ZNF354B: variants seen among roughly 807,000 people sequenced by gnomAD.
ZNF354B encodes the protein zinc finger protein 354B.
In ZNF354B, 10 loss-of-function variants were observed where a neutral mutation model predicts 12.9. The observed-to-expected ratio is 0.77, with a 90% CI of 0.48 to 1.31. The LOEUF (loss-of-function observed/expected upper bound fraction) is 1.31. ZNF354B is among the 40% of genes most tolerant of loss of function. The pLI, the probability that ZNF354B is intolerant of heterozygous loss-of-function variation, is 0.00. For missense variants in ZNF354B, 614 were observed against 711.7 expected (o/e 0.86, Z 1.56); for synonymous variants, 260 against 243.7 (o/e 1.07, Z -0.62).
rs61740657 is a variant in ZNF354B, at chr5:178,883,141, G to A, written c.689G>A (p.Arg230His). The A allele has an allele frequency of 5.3e-3, 8,574 of 1,613,040 alleles. 35 individuals are homozygous for A. Among genetic ancestry groups the A allele is most frequent in the Non-Finnish European group, 6.3e-3 (7,446 of 1,179,750 alleles). ...GCCTTCATTCACAATTCATCCCTTC[G>A]TAAACATCAGAAAAACCACACTGGA... ...EKAFIHNSSL[R>H]KHQKNHTGEK... The change falls in exon 5 of 5, where the codon CGT becomes CAT. Residue 230 changes from arginine (R) to histidine (H), a missense_variant. Coordinates refer to ENST00000322434, the MANE Select transcript of ZNF354B (RefSeq NM_058230.3).
intron 4 of ZNF354B, among the ~76,000 whole-genome samples, chr5:178,867,741 T>C (rs1757485146): frequency 6.6e-6 from 1 of 152,152 alleles, no homozygotes; most frequent in Non-Finnish European, 1.5e-5. Context: ...GTATGTGTAA[T>C]GTGCACATAA....
chr5:178,880,831 A>ATTTTT (rs56013359), intron 4 of ZNF354B, among the ~76,000 whole-genome samples: 2 of 76,146 alleles, frequency 2.6e-5, no homozygotes, highest in African/African-American at 6.1e-5. Flanking sequence ...ACTCATGGTC[A>ATTTTT]TTTTTTTTTT....
chr5:178,883,223 T>C lies in ZNF354B; in HGVS notation c.771T>C (p.Leu257=). The change falls in exon 5 of 5, where the codon CTT becomes CTC. Residue 257 remains leucine (L), a synonymous_variant. Coordinates refer to ENST00000322434, the MANE Select transcript of ZNF354B (RefSeq NM_058230.3). The part of the protein sequence containing the change: ...CLKAFSQSSA[L]IQHQRTHTGE... ...AAGCTTTCAGCCAAAGTTCTGCTCT[T>C]ATTCAACATCAAAGAACTCATACAG... is the stretch of plus-strand genomic sequence containing the variant. 5.0e-6 allele frequency: 8 copies of C among 1,612,594 alleles called. No homozygotes were observed. Among genetic ancestry groups the C allele is most frequent in the Non-Finnish European group, 5.9e-6 (7 of 1,179,692 alleles).
At chr5:178,877,258 C>CTT (rs1218801484) in intron 4 of ZNF354B, among the ~76,000 whole-genome samples, 1 of 152,106 alleles carries the variant, frequency 6.6e-6, no homozygotes, top group Admixed American at 6.5e-5. Context: ...CAACCTCCAC[C>CTT]TTTTGGGTTT....
chr5:178,875,653 G>A (rs1359370903), intron 4 of ZNF354B, among the ~76,000 whole-genome samples: 1 of 152,190 alleles, frequency 6.6e-6, no homozygotes, highest in African/African-American at 2.4e-5. Context: ...ATCTTCAGCC[G>A]AGGGGCGAGG....
intron 4 of ZNF354B, among the ~76,000 whole-genome samples, chr5:178,878,947 C>T (rs1433943126): frequency 1.3e-5 from 2 of 151,860 alleles, no homozygotes; most frequent in East Asian, 1.9e-4. Context: ...ATGATGCACC[C>T]GCCTCAGCCT....
chr5:178,873,415 T>C (rs1420157720), intron 4 of ZNF354B, among the ~76,000 whole-genome samples: 1 of 152,254 alleles, frequency 6.6e-6, no homozygotes, highest in Non-Finnish European at 1.5e-5. Flanking sequence ...AGAAGTGCTG[T>C]AGTTTTACAT....
At chr5:178,862,384 T>TTTTTTA (rs1491352820) in intron 2 of ZNF354B, among the ~76,000 whole-genome samples, 7 of 135,896 alleles carry the variant, frequency 5.2e-5, no homozygotes, top group African/African-American at 8.1e-5. Context: ...TTTTTTTTTT[T>TTTTTTA]GAGAGGCAGT....
intron 4 of ZNF354B, among the ~76,000 whole-genome samples, chr5:178,870,285 T>G (rs192546301): frequency 6.6e-6 from 1 of 152,208 alleles, no homozygotes; most frequent in Non-Finnish European, 1.5e-5. Context: ...TACAAAGTTA[T>G]TTTCTTTTGA....
intron 4 of ZNF354B, among the ~76,000 whole-genome samples, chr5:178,874,560 T>G (rs1332860302): frequency 6.6e-6 from 1 of 152,242 alleles, no homozygotes; most frequent in Non-Finnish European, 1.5e-5. Flanking sequence ...ATGAAATTCT[T>G]GTAGTATGTT....
intron 4 of ZNF354B, among the ~76,000 whole-genome samples, chr5:178,878,331 C>T (rs35245718): frequency 0.21 from 30,928 of 150,850 alleles, 3,629 homozygotes; most frequent in Non-Finnish European, 0.25. Flanking sequence ...TGCAGTGAGC[C>T]GAGATTATGC....
intron 4 of ZNF354B, among the ~76,000 whole-genome samples, chr5:178,871,456 A>G (rs1433707977): frequency 6.6e-6 from 1 of 152,136 alleles, no homozygotes; most frequent in Non-Finnish European, 1.5e-5. Flanking sequence ...CCCCCACGCC[A>G]TCTCCTCACC....
In ZNF354B at chr5:178,866,276, C is replaced by T. The variant is rs1132332; in HGVS notation, c.66C>T (p.Leu22=). The T allele has an allele frequency of 2.5e-5, 40 of 1,613,728 alleles. No individual in the cohort carries two copies. Among genetic ancestry groups the T allele is most frequent in the Non-Finnish European group, 3.2e-5 (38 of 1,179,912 alleles). Reference sequence around the variant, plus strand: ...TGACATTCGAGGACGTGGCTGTGCTCTTTACCTGGGATGAGTGGAGAAAGC... The same window carrying T: ...TGACATTCGAGGACGTGGCTGTGCTTTTTACCTGGGATGAGTGGAGAAAGC... ...VSLTFEDVAV[L]FTWDEWRKLA... Residue 22 remains leucine (L), a synonymous_variant, in exon 3 of 5, where the codon CTC becomes CTT. Coordinates refer to ENST00000322434, the MANE Select transcript of ZNF354B (RefSeq NM_058230.3).
chr5:178,863,230 T>TTA lies in ZNF354B; in HGVS notation c.33+2159_33+2160dup, dbSNP rs138384549. 0.011 allele frequency among the ~76,000 whole-genome samples: 1,644 copies of TTA among 152,280 alleles called. 63 individuals are homozygous for TTA. The East Asian group carries it at 0.13, about 12-fold the overall frequency. ...GTGTAAATTTTAGAGAATAAAACAT[T>TTA]TATATATATACATATGTATATGTGT... On this transcript the variant is annotated intron_variant, in intron 2 of 4. Coordinates refer to ENST00000322434, the MANE Select transcript of ZNF354B (RefSeq NM_058230.3).
intron 4 of ZNF354B, among the ~76,000 whole-genome samples, chr5:178,867,452 G>C (rs1037680293): frequency 5.3e-5 from 8 of 152,206 alleles, no homozygotes; most frequent in Non-Finnish European, 8.8e-5. Flanking sequence ...AAGTGCTTGG[G>C]CACAGTTGTA....
intron 2 of ZNF354B, among the ~76,000 whole-genome samples, chr5:178,865,208 G>A (rs568223971): frequency 1.3e-5 from 2 of 152,278 alleles, no homozygotes; most frequent in African/African-American, 4.8e-5. Flanking sequence ...ATGGAGCCCA[G>A]GACATCTGCC....
At chr5:178,880,195 T>TC (rs2114026280) in intron 4 of ZNF354B, among the ~76,000 whole-genome samples, 1 of 151,944 alleles carries the variant, frequency 6.6e-6, no homozygotes, top group Non-Finnish European at 1.5e-5. Flanking sequence ...TTTCTTTTTT[T>TC]CCTTTTCTTT....
At position 178,883,229 on chromosome 5, in the gene ZNF354B, A is replaced by G. The variant is rs1230694332; in HGVS notation, c.777A>G (p.Gln259=). 6.2e-7 allele frequency: 1 copy of G among 1,612,274 alleles called. No homozygotes were observed. Among genetic ancestry groups the G allele is most frequent in the Non-Finnish European group, 8.5e-7 (1 of 1,179,638 alleles). The stretch of plus-strand genomic sequence containing the variant: ...TCAGCCAAAGTTCTGCTCTTATTCA[A>G]CATCAAAGAACTCATACAGGAGAGA... ...KAFSQSSALI[Q]HQRTHTGEKP... Residue 259 remains glutamine, a synonymous_variant, in exon 5 of 5, where the codon CAA becomes CAG. Coordinates refer to ENST00000322434, the MANE Select transcript of ZNF354B (RefSeq NM_058230.3).
intron 4 of ZNF354B, among the ~76,000 whole-genome samples, chr5:178,876,663 A>G (rs76714410): frequency 2.7e-3 from 413 of 152,182 alleles, no homozygotes; most frequent in African/African-American, 9.5e-3. Flanking sequence ...GCCCGCTTAA[A>G]CCTTTTGAAT....
Sources: allele counts gnomAD v4.1 joint callset (sites outside exome capture counted in the v4.1 genomes callset), GRCh38; gene constraint gnomAD v4.1.1; transcripts MANE v1.5; gene names NCBI Gene and HGNC (gene_info 2026-07-23, HGNC 2026-07-21).